The following HERC2 variants were observed in gnomAD, a reference collection of about 807,000 sequenced individuals.
The protein encoded by HERC2 is E3 ubiquitin-protein ligase HERC2.
HERC2 carries 102 observed loss-of-function variants against 537.7 expected under a neutral mutation model. That is an observed-to-expected ratio of 0.19 (90% CI 0.16 to 0.22). HERC2 has a LOEUF of 0.22. Among genes scored for constraint, HERC2 ranks in the 10% least tolerant of loss-of-function variants. HERC2 has a pLI of 1.00. For synonymous variants in HERC2, 2,224 were observed against 2,466.2 expected, an observed-to-expected ratio of 0.90 and a Z score of 2.91; for missense variants, 4,236 against 6,198.2, an observed-to-expected ratio of 0.68 and a Z score of 10.63.
chr15:28,293,492 C>CAAAA (rs34632582), intron 3 of HERC2, among the ~76,000 whole-genome samples: 1 of 88,344 alleles, frequency 1.1e-5, no homozygotes, highest in African/African-American at 3.9e-5. Flanking sequence ...GACTCTGTCT[C>CAAAA]AAAAAAAAAA....
At chr15:28,284,083 T>A (rs965662495) in intron 4 of HERC2, among the ~76,000 whole-genome samples, 8 of 152,204 alleles carry the variant, frequency 5.3e-5, no homozygotes, top group African/African-American at 1.9e-4. Context: ...GAAACAAAGT[T>A]CGTGCTAAGT....
intron 78 of HERC2, among the ~76,000 whole-genome samples, chr15:28,139,817 T>A (rs1012892104): frequency 1.3e-5 from 2 of 151,696 alleles, no homozygotes; most frequent in African/African-American, 4.9e-5. Context: ...TCCCAGCACT[T>A]TGGGAGGCCA....
At chr15:28,288,777 G>C (rs868196561) in intron 4 of HERC2, among the ~76,000 whole-genome samples, 5 of 151,626 alleles carry the variant, frequency 3.3e-5, no homozygotes, top group African/African-American at 9.7e-5. Flanking sequence ...GAACCCACGT[G>C]GGGGAGGTTG....
chr15:28,152,692 T>C lies in HERC2; in HGVS notation c.10885A>G (p.Thr3629Ala). 6.4e-7 allele frequency: 1 copy of C among 1,550,392 alleles called. No homozygotes were observed. The highest frequency in any genetic ancestry group is 2.0e-5 in the Admixed American group (1 of 51,068). ...GCCCCTGTACCTGGTATCTTCACTG[T>C]GCCACTGGTGGAGGTGTCGTCGGTG... ...PYTDDTSTSG[T>A]VKIPGAEGLR... The change falls in exon 70 of 93, where the codon ACA (threonine) becomes GCA (alanine). Residue 3629 changes from threonine to alanine, a missense_variant. By Grantham distance (58) the Thr-to-Ala change is moderately conservative. Transcript: ENST00000261609.
rs2075980242 is a variant in HERC2, at chr15:28,279,983, T to C, written c.542+85A>G. ...TTTCAGAAGGTGAAGACAGCCTATA[T>C]TGAAAACCTTAAACTTTCTGAAACA... On this transcript the variant is annotated intron_variant, in intron 5 of 92. Transcript: ENST00000261609. 1.1e-5 allele frequency: 11 copies of C among 1,045,944 alleles called. No homozygotes were observed. The South Asian group carries it at 1.1e-4, about 10-fold the overall frequency. 64.8% of individuals were successfully genotyped at this position (1,045,944 alleles called of 1,614,324 possible).
chr15:28,177,252 A>T lies in HERC2; in HGVS notation c.9255-125T>A. ...ATCCACAGATCAACTATCAAAACTT[A>T]AAGCAGAACCGGTGAGACCAAAACA... On this transcript the variant is annotated intron_variant, in intron 60 of 92. Coordinates refer to ENST00000261609, the MANE Select transcript of HERC2 (RefSeq NM_004667.6). This position sits in a 1 kb window ranked among gnomAD's most constrained non-coding sequence, Gnocchi z 5.0. The T allele has an allele frequency of 8.0e-7, 1 of 1,257,000 alleles. No homozygotes were observed. Among genetic ancestry groups the T allele is most frequent in the Non-Finnish European group, 1.1e-6 (1 of 900,654 alleles). 77.9% of individuals were successfully genotyped at this position (1,257,000 alleles called of 1,614,324 possible). A position where few individuals can be genotyped will look rare whatever the true frequency, so the allele number is the denominator to read the frequency against.
intron 2 of HERC2, among the ~76,000 whole-genome samples, chr15:28,305,294 G>A (rs1310287608): frequency 1.3e-5 from 2 of 152,104 alleles, no homozygotes; most frequent in Non-Finnish European, 2.9e-5. Context: ...TCGCCACACT[G>A]ACTTCCACAA....
chr15:28,118,513 A>T (rs1888527863), intron 86 of HERC2: 2 of 152,242 alleles, frequency 1.3e-5, no homozygotes, highest in African/African-American at 2.4e-5. Context: ...TTTAAGTATA[A>T]AAAAGTTTTT....
chr15:28,230,294 C>T (rs1318939378), intron 31 of HERC2, 73 bp downstream of exon 31: 12 of 1,474,048 alleles, frequency 8.1e-6, no homozygotes, highest in Admixed American at 1.7e-5. Context: ...ATGCTCAGGA[C>T]AAGACTGTGG....
At chr15:28,310,967 C>T (rs1406283824) in intron 2 of HERC2, among the ~76,000 whole-genome samples, 1 of 148,400 alleles carries the variant, frequency 6.7e-6, no homozygotes, top group Non-Finnish European at 1.5e-5. Context: ...GTCCCAGCTA[C>T]TCGGGAGGCT....
At chr15:28,212,329 G>C (rs1386017980) in intron 43 of HERC2, 116 bp downstream of exon 43, 21 of 712,078 alleles carry the variant, frequency 2.9e-5, no homozygotes, top group Non-Finnish European at 4.0e-5. Flanking sequence ...CAAATGGTGA[G>C]CCCACGTGAA....
At chr15:28,123,946 T>C in intron 85 of HERC2, 91 bp downstream of exon 85, 1 of 1,054,064 alleles carries the variant, frequency 9.5e-7, no homozygotes, top group South Asian at 2.0e-5. Context: ...AGCTGTATTC[T>C]ATGTGTTCTA....
chr15:28,269,011 G>A (rs1305594872), intron 11 of HERC2, among the ~76,000 whole-genome samples: 2 of 152,244 alleles, frequency 1.3e-5, no homozygotes, highest in African/African-American at 2.4e-5. Flanking sequence ...GTGGAAATGA[G>A]TTTACAAACG....
chr15:28,190,155 C>A (rs1473755453), intron 55 of HERC2: 1 of 149,960 alleles, frequency 6.7e-6, no homozygotes, highest in African/African-American at 2.5e-5. Flanking sequence ...ACTACAGGTG[C>A]CTGCCACTAC....
intron 35 of HERC2, among the ~76,000 whole-genome samples, chr15:28,224,662 T>C (rs1239539212): frequency 1.3e-5 from 2 of 152,116 alleles, no homozygotes; most frequent in African/African-American, 2.4e-5. Flanking sequence ...TCAGATCTAA[T>C]AGACATATAC....
intron 69 of HERC2, among the ~76,000 whole-genome samples, chr15:28,154,753 G>C (rs1892808444): frequency 6.6e-6 from 1 of 152,160 alleles, no homozygotes; most frequent in Admixed American, 6.5e-5. Context: ...CAAATGCTCA[G>C]CATTATTTTA....
At position 28,196,428 on chromosome 15, in the gene HERC2, A is replaced by G. The variant is rs377528939; in HGVS notation, c.8120+33T>C. 4.4e-6 allele frequency: 7 copies of G among 1,586,900 alleles called. No individual in the cohort carries two copies. The South Asian group carries it at 6.7e-5, about 15-fold the overall frequency. Reference sequence around the variant, plus strand: ...AATTCAACAGAAAACCATTCGTCCCAAAGCAAATCTAGCAACCATAAAAAT... The same window carrying G: ...AATTCAACAGAAAACCATTCGTCCCGAAGCAAATCTAGCAACCATAAAAAT... On this transcript the variant is annotated intron_variant, in intron 51 of 92. Coordinates refer to ENST00000261609, the MANE Select transcript of HERC2 (RefSeq NM_004667.6).
intron 57 of HERC2, among the ~76,000 whole-genome samples, chr15:28,179,747 T>C (rs183852827): frequency 6.6e-6 from 1 of 152,342 alleles, no homozygotes; most frequent in Non-Finnish European, 1.5e-5. Flanking sequence ...ACTATGATCC[T>C]AGCTAGGCTA....
chr15:28,280,144 T>G lies in HERC2; in HGVS notation c.466A>C (p.Arg156=). The G allele has an allele frequency of 4.3e-6, 7 of 1,614,210 alleles. No individual in the cohort carries two copies. The highest frequency in any genetic ancestry group is 5.9e-6 in the Non-Finnish European group (7 of 1,180,032). The part of the protein sequence containing the change: ...ILERYFIALN[R]TVFQENVKVK... ...TTGACATTCTCCTGAAAAACGGTTC[T>G]ATTCAAGGCAATGAAATAGCGCTCC... The change falls in exon 5 of 93, where the codon AGA becomes CGA. Residue 156 remains arginine (R), a synonymous_variant. Transcript: ENST00000261609.
Sources: gnomAD v4.1 joint callset for allele counts (sites outside exome capture counted in the v4.1 genomes callset) on GRCh38, gnomAD v4.1.1 for gene constraint, Gnocchi (gnomAD v3.1) non-coding constraint, MANE v1.5 for transcripts, NCBI Gene and HGNC (gene_info 2026-07-23, HGNC 2026-07-21) for gene names.